The following PPARA variants were observed in gnomAD, a reference collection of about 807,000 sequenced individuals.
PPARA encodes the protein peroxisome proliferator-activated receptor alpha.
A neutral mutation model predicts 42.2 loss-of-function variants in PPARA; 22 were observed. The observed-to-expected ratio is 0.52, with a 90% CI of 0.37 to 0.74. The LOEUF (loss-of-function observed/expected upper bound fraction) is 0.74. Among genes scored for constraint, PPARA ranks in the 30% least tolerant of loss-of-function variants. PPARA has a pLI of 0.00. For missense variants in PPARA, 465 were observed against 608.2 expected (o/e 0.76, Z 2.48); for synonymous variants, 242 against 239.3 (o/e 1.01, Z -0.10).
At chr22:46,172,797 C>A (rs1327549004) in intron 2 of PPARA, among the ~76,000 whole-genome samples, 1 of 152,142 alleles carries the variant, frequency 6.6e-6, no homozygotes, top group African/African-American at 2.4e-5. Flanking sequence ...GCAGGGTGGC[C>A]ACAGGGCTTG....
At chr22:46,166,218 T>C (rs1020713481) in intron 2 of PPARA, among the ~76,000 whole-genome samples, 3 of 152,174 alleles carry the variant, frequency 2.0e-5, no homozygotes, top group Admixed American at 6.6e-5. Context: ...CAGTCTGTGA[T>C]TGGTCCCTGA....
rs1444751116 is a variant in PPARA, at chr22:46,161,802, C to T, written c.-127+9832C>T. On this transcript the variant is annotated intron_variant, in intron 2 of 8. Coordinates refer to ENST00000407236, the MANE Select transcript of PPARA (RefSeq NM_005036.6). The surrounding 1 kb of genome is among the most constrained non-coding windows in gnomAD (Gnocchi z 4.8). ...GCGACTTCCTCAGAGCCCTCAGTGG[C>T]GTTCCCTTTTCCGCGCTAGCGTTTG... is the stretch of plus-strand genomic sequence containing the variant. 1.3e-5 allele frequency among the ~76,000 whole-genome samples: 2 copies of T among 152,118 alleles called. No homozygotes were observed. Among genetic ancestry groups the T allele is most frequent in the African/African-American group, 4.8e-5 (2 of 41,420 alleles).
In PPARA at chr22:46,182,629, G is replaced by A. The variant is rs1930124749; in HGVS notation, c.-43+5793G>A. On this transcript the variant is annotated intron_variant, in intron 3 of 8. Transcript: ENST00000407236. The surrounding 1 kb of genome is among the most constrained non-coding windows in gnomAD (Gnocchi z 5.2). ...TGGGTCTGCGTACTGTCTCGGCTAT[G>A]ATAGTGGTTTCACAGGTTGATACAT... Among the ~76,000 whole-genome samples the A allele has an allele frequency of 6.6e-6, 1 of 152,198 alleles. No homozygotes were observed. The highest frequency in any genetic ancestry group is 2.4e-5 in the African/African-American group (1 of 41,454).
rs76384097 is a variant in PPARA, at chr22:46,202,355, T to C, written c.208+3764T>C. On this transcript the variant is annotated intron_variant, in intron 4 of 8. Transcript: ENST00000407236. ...CTGACAGAGGTAAGGCTTGAGAATT[T>C]CCTGCATACTAGCCTTGTGGTCTAT... is the stretch of plus-strand genomic sequence containing the variant. Among the ~76,000 whole-genome samples, 366 of 152,314 alleles carry C rather than the reference T, an allele frequency of 2.4e-3. 5 individuals are homozygous for C. The highest frequency in any genetic ancestry group is 8.4e-3 in the African/African-American group (350 of 41,572).
In PPARA at chr22:46,163,056, G is replaced by A. The variant is rs1167481439; in HGVS notation, c.-127+11086G>A. Among the ~76,000 whole-genome samples, 1 of 152,170 alleles carries A rather than the reference G, an allele frequency of 6.6e-6. No individual in the cohort carries two copies. ...GGCAGACTCCCAGCTTCAAGGAGAG[G>A]CACGGAGGGAAACTGAGAGCAGCCT... On this transcript the variant is annotated intron_variant, in intron 2 of 8. Coordinates refer to ENST00000407236, the MANE Select transcript of PPARA (RefSeq NM_005036.6). The surrounding 1 kb of genome is among the most constrained non-coding windows in gnomAD (Gnocchi z 4.9).
chr22:46,172,931 C>G (rs1928324263), intron 2 of PPARA, among the ~76,000 whole-genome samples: 1 of 152,088 alleles, frequency 6.6e-6, no homozygotes, highest in African/African-American at 2.4e-5. Flanking sequence ...ATGAATAAAC[C>G]CTTACTAGAT....
At position 46,167,273 on chromosome 22, in the gene PPARA, T is replaced by C. The variant is rs1210016973; in HGVS notation, c.-126-9480T>C. On this transcript the variant is annotated intron_variant, in intron 2 of 8. Transcript: ENST00000407236. The surrounding 1 kb of genome is among the most constrained non-coding windows in gnomAD (Gnocchi z 4.1). ...TTATGTAATAATAGTATATATCATG[T>C]TACATATTATATTATGTAATATATA... Among the ~76,000 whole-genome samples the C allele has an allele frequency of 6.6e-6, 1 of 150,912 alleles. No homozygotes were observed. The highest frequency in any genetic ancestry group is 2.4e-5 in the African/African-American group (1 of 41,162).
chr22:46,191,124 C>T lies in PPARA; in HGVS notation c.-42-7218C>T, dbSNP rs915237879. On this transcript the variant is annotated intron_variant, in intron 3 of 8. Coordinates refer to ENST00000407236, the MANE Select transcript of PPARA (RefSeq NM_005036.6). The surrounding 1 kb of genome is among the most constrained non-coding windows in gnomAD (Gnocchi z 4.6). ...ACGAGAATCGCTTGAACCCGGGAGG[C>T]GTGGGGTTGCAGTGAGCCGAGATTG... is the stretch of plus-strand genomic sequence containing the variant. Among the ~76,000 whole-genome samples the T allele has an allele frequency of 1.3e-5, 2 of 151,874 alleles. No individual in the cohort carries two copies. The highest frequency in any genetic ancestry group is 2.4e-5 in the African/African-American group (1 of 41,348).
chr22:46,224,251 G>A lies in PPARA; in HGVS notation c.711+4237G>A, dbSNP rs980560778. Among the ~76,000 whole-genome samples the A allele has an allele frequency of 6.6e-6, 1 of 152,200 alleles. No individual in the cohort carries two copies. The highest frequency in any genetic ancestry group is 2.4e-5 in the African/African-American group (1 of 41,444). On this transcript the variant is annotated intron_variant, in intron 7 of 8. Coordinates refer to ENST00000407236, the MANE Select transcript of PPARA (RefSeq NM_005036.6). The surrounding 1 kb of genome is among the most constrained non-coding windows in gnomAD (Gnocchi z 5.7). ...CCTCCTCCCTGCCTAGCCTGCTGACGGGCTTTCCAGAGCTGGCTCCTTCAG... is the reference window on the plus strand; with the variant it reads ...CCTCCTCCCTGCCTAGCCTGCTGACAGGCTTTCCAGAGCTGGCTCCTTCAG...
chr22:46,215,065 G>A lies in PPARA; in HGVS notation c.209-108G>A. On this transcript the variant is annotated intron_variant, in intron 4 of 8. Coordinates refer to ENST00000407236, the MANE Select transcript of PPARA (RefSeq NM_005036.6). Reference sequence around the variant, plus strand: ...CCCGCATGGGTGTTCTGAGGTTTATGCCTCAGCACTAGAAGCCTCGTATGC... The same window carrying A: ...CCCGCATGGGTGTTCTGAGGTTTATACCTCAGCACTAGAAGCCTCGTATGC... 5 of 1,374,862 alleles carry A rather than the reference G, an allele frequency of 3.6e-6. No homozygotes were observed. In the South Asian group the frequency reaches 6.0e-5, roughly 16 times the overall value. The allele number at this position is 1,374,862 out of a possible 1,614,324, so 85.2% of individuals were successfully genotyped here.
At position 46,190,670 on chromosome 22, in the gene PPARA, G is replaced by T. The variant is rs1301047629; in HGVS notation, c.-42-7672G>T. Reference sequence around the variant, plus strand: ...GAGCCTGAGGTGAGAGGATCACCTGGGCCCGGGAGATCAAGGCTGCGGTGA... The same window carrying T: ...GAGCCTGAGGTGAGAGGATCACCTGTGCCCGGGAGATCAAGGCTGCGGTGA... On this transcript the variant is annotated intron_variant, in intron 3 of 8. Transcript: ENST00000407236. This position sits in a 1 kb window ranked among gnomAD's most constrained non-coding sequence, Gnocchi z 5.6. Among the ~76,000 whole-genome samples, 1 of 152,086 alleles carries T rather than the reference G, an allele frequency of 6.6e-6. No individual in the cohort carries two copies. Among genetic ancestry groups the T allele is most frequent in the Non-Finnish European group, 1.5e-5 (1 of 68,024 alleles).
At chr22:46,197,834 G>A (rs1302100849) in intron 3 of PPARA, among the ~76,000 whole-genome samples, 1 of 151,890 alleles carries the variant, frequency 6.6e-6, no homozygotes, top group Non-Finnish European at 1.5e-5. Flanking sequence ...AACCCGGGAG[G>A]TGGAGGTTGC....
chr22:46,240,169 C>A lies in PPARA; in HGVS notation c.*4789C>A. The A allele has an allele frequency of 2.5e-6, 1 of 398,712 alleles. No individual in the cohort carries two copies. The highest frequency in any genetic ancestry group is 3.6e-5 in the East Asian group (1 of 28,080). 24.7% of individuals were successfully genotyped at this position (398,712 alleles called of 1,614,324 possible). On this transcript the variant is annotated 3_prime_UTR_variant, in exon 9 of 9. Coordinates refer to ENST00000407236, the MANE Select transcript of PPARA (RefSeq NM_005036.6). This position sits in a 1 kb window ranked among gnomAD's most constrained non-coding sequence, Gnocchi z 6.0. The stretch of plus-strand genomic sequence containing the variant: ...TGCAGATGCCACCAGGAGAACATGC[C>A]CACAGCTCACCACCTATGGATGCCA...
At position 46,240,836 on chromosome 22, in the gene PPARA, G is replaced by A. The variant is rs995603203; in HGVS notation, c.*5456G>A. ...TTCTTACCAACCAAATATTTGCATC[G>A]AGCAAAGGGGGCTGTGTGCACCTCC... On this transcript the variant is annotated 3_prime_UTR_variant, in exon 9 of 9. Transcript: ENST00000407236. This position sits in a 1 kb window ranked among gnomAD's most constrained non-coding sequence, Gnocchi z 6.0. The A allele has an allele frequency of 3.3e-5, 5 of 152,184 alleles. No individual in the cohort carries two copies. Among genetic ancestry groups the A allele is most frequent in the Non-Finnish European group, 5.9e-5 (4 of 68,048 alleles). The allele number at this position is 152,184 out of a possible 1,614,324, so 9.4% of individuals were successfully genotyped here.
At position 46,231,907 on chromosome 22, in the gene PPARA, G is replaced by A; in HGVS notation, c.827G>A (p.Cys276Tyr). The A allele has an allele frequency of 1.2e-6, 2 of 1,614,168 alleles. No homozygotes were observed. The highest frequency in any genetic ancestry group is 2.2e-5 in the East Asian group (1 of 44,884). ...GCGGAGGTCCGCATCTTTCACTGCTGCCAGTGCACGTCAGTGGAGACCGTC... is the reference window on the plus strand; with the variant it reads ...GCGGAGGTCCGCATCTTTCACTGCTACCAGTGCACGTCAGTGGAGACCGTC... ...KEAEVRIFHC[C>Y]QCTSVETVTE... The change falls in exon 8 of 9, where the codon TGC becomes TAC. Residue 276 changes from cysteine to tyrosine, a missense_variant. Cys to Tyr is a radical substitution (Grantham distance 194). Around this residue, in one of 2 missense-constraint regions of PPARA, gnomAD observed 313 missense variants for 469.1 expected, o/e 0.67. Coordinates refer to ENST00000407236, the MANE Select transcript of PPARA (RefSeq NM_005036.6). The surrounding 1 kb of genome is among the most constrained non-coding windows in gnomAD (Gnocchi z 7.7).
intron 7 of PPARA, among the ~76,000 whole-genome samples, chr22:46,226,745 C>T (rs1008671978): frequency 5.9e-5 from 9 of 152,056 alleles, no homozygotes; most frequent in South Asian, 2.1e-4. Context: ...TGGTGGTGTG[C>T]GCCTGTGGTT....
At chr22:46,177,093 C>G (rs1281982528) in intron 3 of PPARA, among the ~76,000 whole-genome samples, 1 of 152,080 alleles carries the variant, frequency 6.6e-6, no homozygotes, top group Non-Finnish European at 1.5e-5. Flanking sequence ...CGCCTGTAGT[C>G]CCAGCTACTC....
Position 46,195,340 on chromosome 22 carries a change from A to C in PPARA, c.-42-3002A>C, listed in dbSNP as rs1011672000. 6.6e-6 allele frequency among the ~76,000 whole-genome samples: 1 copy of C among 152,234 alleles called. No individual in the cohort carries two copies. The highest frequency in any genetic ancestry group is 1.5e-5 in the Non-Finnish European group (1 of 68,042). Reference sequence around the variant, plus strand: ...CATTATGTTTCTTGTCATTTGAAAAAAAATCTCCCTTCAGACAGAATGCAG... The same window carrying C: ...CATTATGTTTCTTGTCATTTGAAAACAAATCTCCCTTCAGACAGAATGCAG... On this transcript the variant is annotated intron_variant, in intron 3 of 8. Transcript: ENST00000407236. This position sits in a 1 kb window ranked among gnomAD's most constrained non-coding sequence, Gnocchi z 4.6.
chr22:46,189,086 C>T (rs1427723742), intron 3 of PPARA, among the ~76,000 whole-genome samples: 3 of 152,222 alleles, frequency 2.0e-5, no homozygotes, highest in Non-Finnish European at 4.4e-5. Context: ...GTGGTGAATA[C>T]AAATTTCATT....
Sources: allele counts gnomAD v4.1 joint callset (sites outside exome capture counted in the v4.1 genomes callset), GRCh38; gene constraint gnomAD v4.1.1; regional missense constraint gnomAD v4.1.1; non-coding constraint Gnocchi (gnomAD v3.1); transcripts MANE v1.5; gene names NCBI Gene and HGNC (gene_info 2026-07-23, HGNC 2026-07-21).